Variants in TNFRSF10A observed in about 807,000 individuals in gnomAD.
TNFRSF10A encodes the protein tumor necrosis factor receptor superfamily member 10A.
In TNFRSF10A, 44 loss-of-function variants were observed where a neutral mutation model predicts 42.8. The observed-to-expected ratio is 1.03, with a 90% CI of 0.81 to 1.32. The LOEUF (loss-of-function observed/expected upper bound fraction) is 1.32. TNFRSF10A is among the 40% of genes most tolerant of loss of function. The pLI, the probability that TNFRSF10A is intolerant of heterozygous loss-of-function variation, is 0.00. For synonymous variants in TNFRSF10A, 259 were observed against 234.2 expected, an observed-to-expected ratio of 1.11 and a Z score of -0.97; for missense variants, 680 against 602.0, an observed-to-expected ratio of 1.13 and a Z score of -1.36.
At chr8:23,203,257 CA>C in intron 2 of TNFRSF10A, among the ~76,000 whole-genome samples, 1 of 152,140 alleles carries the variant, frequency 6.6e-6, no homozygotes, top group African/African-American at 2.4e-5. Context: ...TGGAAACTCA[CA>C]AAAAGTCCTA....
At position 23,199,459 on chromosome 8, in the gene TNFRSF10A, C is replaced by CA. The variant is rs1304149639; in HGVS notation, c.832-12dup. ...GCGCCAGAAACACACCTTAGGAAGG[C>CA]AAAGAGCCAACTCAGAAGCCCACAC... On this transcript the variant is annotated splice_polypyrimidine_tract_variant and intron_variant, in intron 7 of 9. Coordinates refer to ENST00000221132, the MANE Select transcript of TNFRSF10A (RefSeq NM_003844.4). The CA allele has an allele frequency of 6.2e-7, 1 of 1,604,532 alleles. No individual in the cohort carries two copies. Among genetic ancestry groups the CA allele is most frequent in the Non-Finnish European group, 8.5e-7 (1 of 1,172,124 alleles).
rs1469662389 is a variant in TNFRSF10A at position 23,197,178 on chromosome 8, C to T, written c.1041G>A (p.Gln347=). 1.2e-6 allele frequency: 2 copies of T among 1,614,202 alleles called. No homozygotes were observed. The highest frequency in any genetic ancestry group is 1.1e-5 in the South Asian group (1 of 91,084). The change falls in exon 9 of 10, where the codon CAG becomes CAA. Residue 347 remains glutamine, a synonymous_variant. Transcript: ENST00000221132. ...LLGPAEAEGS[Q]RRRLLVPANG... ...TTGCTGGAACCAGCAGCCTCCTCCTCTGAGACCCTTCAGCTTCTGCCGGTC... is the reference window on the plus strand; with the variant it reads ...TTGCTGGAACCAGCAGCCTCCTCCTTTGAGACCCTTCAGCTTCTGCCGGTC...
intron 2 of TNFRSF10A, among the ~76,000 whole-genome samples, chr8:23,204,978 T>C (rs914875857): frequency 2.0e-5 from 3 of 151,794 alleles, no homozygotes; most frequent in Admixed American, 2.0e-4. Context: ...AGAAGAAATA[T>C]CTCAATCTAT....
intron 1 of TNFRSF10A, among the ~76,000 whole-genome samples, chr8:23,216,413 T>A (rs1293506200): frequency 2.0e-5 from 3 of 152,182 alleles, no homozygotes; most frequent in Admixed American, 6.6e-5. Context: ...TAACCATCAA[T>A]AAAATCAATT....
intron 1 of TNFRSF10A, among the ~76,000 whole-genome samples, chr8:23,214,126 G>A (rs1801140317): frequency 3.3e-5 from 5 of 151,992 alleles, no homozygotes; most frequent in Admixed American, 3.3e-4. Context: ...GAGCTACAGA[G>A]CTCAGCCTCC....
Position 23,216,110 on chromosome 8 carries a change from G to T in TNFRSF10A, c.307-3898C>A, listed in dbSNP as rs540294525. ...TGGGATTACAGGGATGAGCCATCTCGTCCGGCCAGTTTATTACTTTTATTA... is the reference window on the plus strand; with the variant it reads ...TGGGATTACAGGGATGAGCCATCTCTTCCGGCCAGTTTATTACTTTTATTA... On this transcript the variant is annotated intron_variant, in intron 1 of 9. Coordinates refer to ENST00000221132, the MANE Select transcript of TNFRSF10A (RefSeq NM_003844.4). Among the ~76,000 whole-genome samples, 15 of 152,202 alleles carry T rather than the reference G, an allele frequency of 9.9e-5. No individual in the cohort carries two copies. The East Asian group carries it at 2.9e-3, about 29-fold the overall frequency.
intron 6 of TNFRSF10A, 75 bp downstream of exon 6, chr8:23,200,430 A>G: frequency 6.5e-7 from 1 of 1,527,100 alleles, no homozygotes; most frequent in Non-Finnish European, 9.1e-7. Context: ...GGCAGGGGTG[A>G]GCGTTTCTGT....
chr8:23,220,929 C>T (rs745865578), intron 1 of TNFRSF10A, among the ~76,000 whole-genome samples: 71 of 152,186 alleles, frequency 4.7e-4, no homozygotes, highest in Non-Finnish European at 8.8e-4. Context: ...CAACCAGTGC[C>T]GGGTGCCCAC....
intron 1 of TNFRSF10A, among the ~76,000 whole-genome samples, chr8:23,220,636 C>T (rs554410193): frequency 2.0e-5 from 3 of 152,342 alleles, no homozygotes; most frequent in African/African-American, 4.8e-5. Flanking sequence ...GTGTCAGTCA[C>T]TCATGACTCT....
intron 9 of TNFRSF10A, among the ~76,000 whole-genome samples, chr8:23,195,999 T>C (rs1438921981): frequency 6.6e-6 from 1 of 152,146 alleles, no homozygotes. Context: ...AACATAGAAA[T>C]TGACCCTTCT....
Position 23,191,687 on chromosome 8 carries a change from G to C in TNFRSF10A, c.*7C>G. On this transcript the variant is annotated 3_prime_UTR_variant, in exon 10 of 10. Coordinates refer to ENST00000221132, the MANE Select transcript of TNFRSF10A (RefSeq NM_003844.4). ...CCTAAGAGGAAACCTCTGGTAAAAAGAGTCTTTCACTCCAAGGACACGGCA... is the reference window on the plus strand; with the variant it reads ...CCTAAGAGGAAACCTCTGGTAAAAACAGTCTTTCACTCCAAGGACACGGCA... 6.2e-7 allele frequency: 1 copy of C among 1,608,308 alleles called. No individual in the cohort carries two copies. Among genetic ancestry groups the C allele is most frequent in the African/African-American group, 1.3e-5 (1 of 74,608 alleles).
At chr8:23,199,588 T>C in intron 7 of TNFRSF10A, 140 bp from the exon 8 acceptor site, 1 of 1,103,878 alleles carries the variant, frequency 9.1e-7, no homozygotes, top group Non-Finnish European at 1.3e-6. Flanking sequence ...ATCCAGGACC[T>C]GCTGCTGGGG....
At chr8:23,194,764 A>G (rs1800800088) in intron 9 of TNFRSF10A, among the ~76,000 whole-genome samples, 1 of 152,242 alleles carries the variant, frequency 6.6e-6, no homozygotes, top group Non-Finnish European at 1.5e-5. Context: ...GAAAGAATTG[A>G]GTAAATGTAA....
rs1001309901 is a variant in TNFRSF10A at position 23,216,314 on chromosome 8, C to T, written c.307-4102G>A. Among the ~76,000 whole-genome samples, 3 of 151,986 alleles carry T rather than the reference C, an allele frequency of 2.0e-5. No homozygotes were observed. The East Asian group carries it at 5.8e-4, about 29-fold the overall frequency. On this transcript the variant is annotated intron_variant, in intron 1 of 9. Coordinates refer to ENST00000221132, the MANE Select transcript of TNFRSF10A (RefSeq NM_003844.4). Reference sequence around the variant, plus strand: ...CACCTCTGAGTCATTGATTTTGATACCATTCTTCTTTTAATCCTTAAGAAC... The same window carrying T: ...CACCTCTGAGTCATTGATTTTGATATCATTCTTCTTTTAATCCTTAAGAAC...
In TNFRSF10A at chr8:23,192,028, CCA is replaced by C. The variant is rs763852463; in HGVS notation, c.1088-17_1088-16del. Reference sequence around the variant, plus strand: ...CAGCATCAGAGCTGGGTGGAGAAAGCCACAGAGACAGCCAGATGAGTTGGGAC... The same window carrying C: ...CAGCATCAGAGCTGGGTGGAGAAAGCCAGAGACAGCCAGATGAGTTGGGAC... On this transcript the variant is annotated splice_polypyrimidine_tract_variant and intron_variant, in intron 9 of 9. Coordinates refer to ENST00000221132, the MANE Select transcript of TNFRSF10A (RefSeq NM_003844.4). The C allele has an allele frequency of 2.5e-6, 4 of 1,605,098 alleles. No individual in the cohort carries two copies. The East Asian group carries it at 6.7e-5, about 27-fold the overall frequency.
intron 2 of TNFRSF10A, among the ~76,000 whole-genome samples, chr8:23,203,468 A>G (rs2128848511): frequency 6.6e-6 from 1 of 152,334 alleles, no homozygotes; most frequent in Non-Finnish European, 1.5e-5. Context: ...TGGATTGCAG[A>G]GGGTCTCCAG....
rs186577365 is a variant in TNFRSF10A at position 23,200,834 on chromosome 8, T to C, written c.630-74A>G. 1.5e-3 allele frequency: 1,997 copies of C among 1,366,810 alleles called. 21 individuals are homozygous for C. In the African/African-American group the frequency reaches 0.021, roughly 14 times the overall value. The allele number at this position is 1,366,810 out of a possible 1,614,324, so 84.7% of individuals were successfully genotyped here. A position where few individuals can be genotyped will look rare whatever the true frequency, so the allele number is the denominator to read the frequency against. On this transcript the variant is annotated intron_variant, in intron 4 of 9. Transcript: ENST00000221132. Reference sequence around the variant, plus strand: ...CCAGGTGGGATGAAAGAGGAGCCACTCTCCCTGCCCAATGTCCCTGAGAAG... The same window carrying C: ...CCAGGTGGGATGAAAGAGGAGCCACCCTCCCTGCCCAATGTCCCTGAGAAG...
In TNFRSF10A at chr8:23,225,098, A is replaced by G. The variant is rs3808537; in HGVS notation, c.-37T>C. 9.1e-4 allele frequency: 1,331 copies of G among 1,465,288 alleles called. 12 individuals carry two copies. The East Asian group carries it at 0.027, about 30-fold the overall frequency. The allele number at this position is 1,465,288 out of a possible 1,614,324, so 90.8% of individuals were successfully genotyped here. On this transcript the variant is annotated 5_prime_UTR_variant, in exon 1 of 10. Transcript: ENST00000221132. ...AATCCAAGAAGCAGCGTGCTTGGCT[A>G]TGACAAGACAGAACTTCGCATTCGG... is the stretch of plus-strand genomic sequence containing the variant.
At position 23,225,076 on chromosome 8, in the gene TNFRSF10A, C is replaced by T; in HGVS notation, c.-15G>A. 3 of 1,498,554 alleles carry T rather than the reference C, an allele frequency of 2.0e-6. No individual in the cohort carries two copies. The highest frequency in any genetic ancestry group is 2.6e-5 in the South Asian group (2 of 76,344). The allele number at this position is 1,498,554 out of a possible 1,614,324, so 92.8% of individuals were successfully genotyped here. On this transcript the variant is annotated 5_prime_UTR_variant, in exon 1 of 10. Transcript: ENST00000221132. Reference sequence around the variant, plus strand: ...GGTGGCGCCATCCTGCCAGGTCAATCCAAGAAGCAGCGTGCTTGGCTATGA... The same window carrying T: ...GGTGGCGCCATCCTGCCAGGTCAATTCAAGAAGCAGCGTGCTTGGCTATGA...
Sources: allele counts gnomAD v4.1 joint callset (sites outside exome capture counted in the v4.1 genomes callset), GRCh38; gene constraint gnomAD v4.1.1; transcripts MANE v1.5; gene names NCBI Gene and HGNC (gene_info 2026-07-23, HGNC 2026-07-21).